Variants in FDFT1 observed in about 807,000 individuals in gnomAD.
The protein encoded by FDFT1 is squalene synthase.
FDFT1 carries 68 observed loss-of-function variants against 46.8 expected under a neutral mutation model. The observed-to-expected ratio is 1.45, with a 90% CI of 1.19 to 1.78. FDFT1 has a LOEUF of 1.78. FDFT1 is among the 40% of genes most tolerant of loss of function. FDFT1 has a pLI of 0.00. For synonymous variants in FDFT1, 351 were observed against 185.1 expected (o/e 1.90, Z -7.28); for missense variants, 928 against 524.4 (o/e 1.77, Z -7.52).
intron 3 of FDFT1, among the ~76,000 whole-genome samples, chr8:11,811,492 G>T (rs1394341073): frequency 6.6e-6 from 1 of 152,230 alleles, no homozygotes; most frequent in Non-Finnish European, 1.5e-5. Context: ...GAGGGAATAT[G>T]AAAGTGTGTG....
intron 5 of FDFT1, among the ~76,000 whole-genome samples, chr8:11,830,003 G>A (rs1248494027): frequency 1.1e-4 from 16 of 151,828 alleles, no homozygotes; most frequent in Admixed American, 1.3e-4. Context: ...GCCTGCCACC[G>A]TACCCGGCTA....
At chr8:11,796,532 TTAG>T (rs1457069426) in intron 1 of FDFT1, among the ~76,000 whole-genome samples, 1 of 152,136 alleles carries the variant, frequency 6.6e-6, no homozygotes, top group Non-Finnish European at 1.5e-5. Flanking sequence ...AGTTTTGTAC[TTAG>T]TGGACACTCC....
chr8:11,810,711 T>A (rs1807595211), intron 3 of FDFT1, among the ~76,000 whole-genome samples: 1 of 152,154 alleles, frequency 6.6e-6, no homozygotes, highest in Admixed American at 6.5e-5. Flanking sequence ...AACTGATTCT[T>A]CCATATCTTA....
Position 11,802,826 on chromosome 8 carries a change from C to T in FDFT1, c.-7C>T, listed in dbSNP as rs376134401. 7.4e-5 allele frequency: 119 copies of T among 1,605,402 alleles called. No individual in the cohort carries two copies. Among genetic ancestry groups the T allele is most frequent in the Non-Finnish European group, 9.4e-5 (110 of 1,175,560 alleles). On this transcript the variant is annotated 5_prime_UTR_variant, in exon 1 of 8. Transcript: ENST00000220584. ...GTCGCGCCCGGGAGTCCGCCGCCTG[C>T]GCCAGGATGGAGTTCGTGAAATGCC...
rs766845955 is a variant in FDFT1, at chr8:11,838,522, T to C, written c.1167T>C (p.Phe389=). The C allele has an allele frequency of 4.3e-6, 7 of 1,609,418 alleles. No individual in the cohort carries two copies. The Admixed American group carries it at 1.0e-4, about 23-fold the overall frequency. ...RSHYSPIYLS[F]VMLLAALSWQ... ...ACTACTCCCCCATCTACCTGTCGTTTGTCATGCTTTTGGCTGCCCTGAGCT... is the reference window on the plus strand; with the variant it reads ...ACTACTCCCCCATCTACCTGTCGTTCGTCATGCTTTTGGCTGCCCTGAGCT... The change falls in exon 8 of 8, where the codon TTT becomes TTC. Residue 389 remains phenylalanine, a synonymous_variant. Transcript: ENST00000220584.
In FDFT1 at chr8:11,839,206, C is replaced by G. The variant is rs1811989202; in HGVS notation, c.*597C>G. ...AAGGAGTTTAGCTTTCAGAGAGAAA[C>G]AGCAGGATTGCTTTTGACCTTTTAG... On this transcript the variant is annotated 3_prime_UTR_variant, in exon 8 of 8. Transcript: ENST00000220584. The G allele has an allele frequency of 6.5e-6, 1 of 153,094 alleles. No homozygotes were observed. Among genetic ancestry groups the G allele is most frequent in the Admixed American group, 6.5e-5 (1 of 15,372 alleles). 9.5% of individuals were successfully genotyped at this position (153,094 alleles called of 1,614,324 possible).
At chr8:11,832,899 C>A (rs1019976642) in intron 7 of FDFT1, among the ~76,000 whole-genome samples, 1 of 152,158 alleles carries the variant, frequency 6.6e-6, no homozygotes, top group Admixed American at 6.5e-5. Flanking sequence ...TTTGTGCATC[C>A]GTCTAGTCCC....
upstream of FDFT1, among the ~76,000 whole-genome samples, chr8:11,798,503 C>G (rs1031048043): frequency 3.9e-5 from 6 of 152,154 alleles, no homozygotes; most frequent in African/African-American, 1.4e-4. Context: ...TATTTGTTTT[C>G]TTGGACTCCA....
chr8:11,837,254 A>G (rs988832053), intron 7 of FDFT1, among the ~76,000 whole-genome samples: 13 of 152,210 alleles, frequency 8.5e-5, no homozygotes, highest in Admixed American at 3.3e-4. Context: ...TTTTTGAGAC[A>G]GGGTCTTGTT....
chr8:11,829,849 G>GTTTTGT (rs1554526813), intron 5 of FDFT1, among the ~76,000 whole-genome samples: 1 of 148,960 alleles, frequency 6.7e-6, no homozygotes, highest in East Asian at 1.9e-4. Context: ...TTTTTGTTTT[G>GTTTTGT]TTTTGTTTTT....
chr8:11,836,152 T>TAAA (rs34824501), intron 7 of FDFT1, among the ~76,000 whole-genome samples: 31,306 of 143,194 alleles, frequency 0.22, 3,613 homozygotes, highest in Middle Eastern at 0.28. Context: ...GACACCATCT[T>TAAA]AAAAAAAAAA....
chr8:11,838,393 T>C lies in FDFT1; in HGVS notation c.1038T>C (p.Tyr346=). The change falls in exon 8 of 8, where the codon TAT becomes TAC. Residue 346 remains tyrosine (Y), a synonymous_variant. Transcript: ENST00000220584. ...TTTTCCTGTGTCTTTAACAGATTTA[T>C]CATAGAATCCCCGACTCAGACCCAT... ...AIIYQYMEEI[Y]HRIPDSDPSS... is the part of the protein sequence containing the mutation. The C allele has an allele frequency of 1.2e-6, 2 of 1,613,220 alleles. No homozygotes were observed. Among genetic ancestry groups the C allele is most frequent in the Non-Finnish European group, 1.7e-6 (2 of 1,179,170 alleles).
chr8:11,803,464 C>G (rs958818182), intron 1 of FDFT1: 1 of 1,273,884 alleles, frequency 7.9e-7, no homozygotes, highest in Non-Finnish European at 1.0e-6. Context: ...ATCTACGCTT[C>G]CAAGTTCCAA....
intron 3 of FDFT1, among the ~76,000 whole-genome samples, chr8:11,818,890 T>C (rs1808831153): frequency 6.6e-6 from 1 of 152,234 alleles, no homozygotes; most frequent in African/African-American, 2.4e-5. Flanking sequence ...ATTTGATCTG[T>C]CATTATGATG....
chr8:11,802,982 C>T (rs748023188), intron 1 of FDFT1, 51 bp downstream of exon 1: 6 of 1,553,110 alleles, frequency 3.9e-6, no homozygotes, highest in South Asian at 1.2e-5. Context: ...CTCGCTGGGC[C>T]GGCCTCAGGG....
At chr8:11,820,737 T>G (rs566176585) in intron 3 of FDFT1, among the ~76,000 whole-genome samples, 3 of 152,318 alleles carry the variant, frequency 2.0e-5, no homozygotes, top group Admixed American at 2.0e-4. Context: ...GCACAGTATT[T>G]GGGCAGAGTA....
intron 7 of FDFT1, among the ~76,000 whole-genome samples, chr8:11,835,828 C>A (rs773582684): frequency 6.6e-6 from 1 of 151,952 alleles, no homozygotes; most frequent in Non-Finnish European, 1.5e-5. Context: ...GAAGGTAAGT[C>A]TTAAATTTTC....
Position 11,808,798 on chromosome 8 carries a change from C to A in FDFT1, c.104C>A (p.Ser35Ter). The A allele has an allele frequency of 6.2e-7, 1 of 1,613,658 alleles. No individual in the cohort carries two copies. Among genetic ancestry groups the A allele is most frequent in the South Asian group, 1.1e-5 (1 of 90,844 alleles). ...RKVMPKMDQD[S>*]LSSSLKTCYK... ...GTGTGTGTTGTCTGCCCGCAGGACT[C>A]GCTCAGCAGCAGCCTGAAAACTTGC... Residue 35 changes from serine (S) to a stop codon, truncating the protein, a stop_gained, in exon 2 of 8, where the codon TCG (serine) becomes TAG (stop). Transcript: ENST00000220584. LOFTEE classifies it high-confidence loss of function.
chr8:11,839,021 C>G lies in FDFT1; in HGVS notation c.*412C>G, dbSNP rs1194219117. ...ATGTGAATTTTCTTTCTGTTCGGCTCCTATTTTTCTCATCATTTTGTTTTC... is the reference window on the plus strand; with the variant it reads ...ATGTGAATTTTCTTTCTGTTCGGCTGCTATTTTTCTCATCATTTTGTTTTC... On this transcript the variant is annotated 3_prime_UTR_variant, in exon 8 of 8. Coordinates refer to ENST00000220584, the MANE Select transcript of FDFT1 (RefSeq NM_004462.5). 5.8e-6 allele frequency: 1 copy of G among 172,350 alleles called. No homozygotes were observed. The highest frequency in any genetic ancestry group is 1.3e-5 in the Non-Finnish European group (1 of 79,560). 10.7% of individuals were successfully genotyped at this position (172,350 alleles called of 1,614,324 possible).
Sources: gnomAD v4.1 joint callset for allele counts (sites outside exome capture counted in the v4.1 genomes callset) on GRCh38, gnomAD v4.1.1 for gene constraint, MANE v1.5 for transcripts, NCBI Gene and HGNC (gene_info 2026-07-23, HGNC 2026-07-21) for gene names.